Variants in INTU observed in about 807,000 individuals in gnomAD.
INTU encodes the protein protein inturned.
A neutral mutation model predicts 100.5 loss-of-function variants in INTU; 68 were observed. That is an observed-to-expected ratio of 0.68 (90% CI 0.56 to 0.83). The LOEUF is 0.83. Among genes scored for constraint, INTU ranks in the 40% least tolerant of loss-of-function variants. The pLI is 0.00. For synonymous variants in INTU, 357 were observed against 395.7 expected (o/e 0.90, Z 1.16); for missense variants, 1,071 against 1,114.7 (o/e 0.96, Z 0.56).
chr4:127,683,031 CAG>C (rs1196763545), intron 6 of INTU, among the ~76,000 whole-genome samples: 1 of 152,152 alleles, frequency 6.6e-6, no homozygotes, highest in African/African-American at 2.4e-5. Flanking sequence ...ATCAGCTAGG[CAG>C]AGACAGTTTC....
chr4:127,711,094 G>A lies in INTU; in HGVS notation c.2551G>A (p.Val851Met). 6.3e-7 allele frequency: 1 copy of A among 1,585,312 alleles called. No individual in the cohort carries two copies. Among genetic ancestry groups the A allele is most frequent in the Non-Finnish European group, 8.6e-7 (1 of 1,158,946 alleles). ...TCGTGCAGTTTTCCAACAGACATTG[G>A]TGGAAGAGGTAGGGCACTGCTATAA... is the stretch of plus-strand genomic sequence containing the variant. ...SIRAVFQQTL[V>M]EEKKKGLNSG... Residue 851 changes from valine (V) to methionine (M), a missense_variant, in exon 14 of 16, where the codon GTG (valine) becomes ATG (methionine). Coordinates refer to ENST00000335251, the MANE Select transcript of INTU (RefSeq NM_015693.4).
chr4:127,654,319 A>G (rs377118159), intron 2 of INTU, among the ~76,000 whole-genome samples: 16 of 152,178 alleles, frequency 1.1e-4, no homozygotes, highest in African/African-American at 2.9e-4. Context: ...TCGTAGTCTC[A>G]ATGGTCTTTA....
At chr4:127,652,751 G>A (rs1727955258) in intron 2 of INTU, among the ~76,000 whole-genome samples, 1 of 135,018 alleles carries the variant, frequency 7.4e-6, no homozygotes. Flanking sequence ...GAGTTAGGAA[G>A]GATTCCCTCT....
At chr4:127,652,331 A>G (rs1435359179) in intron 2 of INTU, among the ~76,000 whole-genome samples, 20 of 150,874 alleles carry the variant, frequency 1.3e-4, no homozygotes, top group Admixed American at 1.3e-3. Flanking sequence ...GTTTTTGCCC[A>G]TTCAGTATGA....
chr4:127,668,611 T>G lies in INTU; in HGVS notation c.973-425T>G, dbSNP rs558993674. ...AAAAATAATGTAAAAGTAATTAAAT[T>G]TAAAGACTCTTAATAGTTACTTGTG... On this transcript the variant is annotated intron_variant, in intron 4 of 15. Transcript: ENST00000335251. 7.2e-5 allele frequency among the ~76,000 whole-genome samples: 11 copies of G among 151,924 alleles called. No homozygotes were observed. In the East Asian group the frequency reaches 2.1e-3, roughly 29 times the overall value.
intron 7 of INTU, 179 bp from the exon 8 acceptor site, chr4:127,687,499 A>G (rs1341936518): frequency 2.4e-5 from 11 of 455,214 alleles, no homozygotes; most frequent in Non-Finnish European, 3.9e-5. Flanking sequence ...AAAAGTTTGG[A>G]CAGGGTAAAT....
At chr4:127,650,165 T>C (rs1485881212) in intron 2 of INTU, among the ~76,000 whole-genome samples, 2 of 152,196 alleles carry the variant, frequency 1.3e-5, no homozygotes, top group Non-Finnish European at 2.9e-5. Context: ...TGTTATGATA[T>C]GCCACATGGA....
intron 14 of INTU, among the ~76,000 whole-genome samples, chr4:127,712,384 A>T (rs1269308309): frequency 6.6e-6 from 1 of 152,070 alleles, no homozygotes; most frequent in Non-Finnish European, 1.5e-5. Flanking sequence ...ACATTAACTG[A>T]TAAATGTTAT....
In INTU at chr4:127,706,885, C is replaced by T; in HGVS notation, c.2187C>T (p.Ser729=). The change falls in exon 12 of 16, where the codon AGC becomes AGT. Residue 729 remains serine (S), a synonymous_variant. Transcript: ENST00000335251. ...AAGGTGGAGAAGATGATGGCTTTAG[C>T]CCCCATACTACACCGGATGCAGTAC... ...GCEGGEDDGF[S]PHTTPDAVRK... 6.2e-7 allele frequency: 1 copy of T among 1,613,988 alleles called. No homozygotes were observed. The highest frequency in any genetic ancestry group is 8.5e-7 in the Non-Finnish European group (1 of 1,179,938).
rs74366278 is a variant in INTU at position 127,710,146 on chromosome 4, A to G, written c.2370-767A>G. 9.3e-4 allele frequency among the ~76,000 whole-genome samples: 142 copies of G among 152,236 alleles called. 1 individual carries two copies. The highest frequency in any genetic ancestry group is 6.8e-3 in the Middle Eastern group (2 of 294). On this transcript the variant is annotated intron_variant, in intron 13 of 15. Coordinates refer to ENST00000335251, the MANE Select transcript of INTU (RefSeq NM_015693.4). The stretch of plus-strand genomic sequence containing the variant: ...AAAGGAGACTCTTTTTTCAAGTTCA[A>G]TGGTTTAAACATAAATTCACATGTG...
chr4:127,697,309 TTTC>T (rs1253932078), intron 8 of INTU, among the ~76,000 whole-genome samples: 3 of 152,138 alleles, frequency 2.0e-5, no homozygotes, highest in Non-Finnish European at 4.4e-5. Context: ...CCTCTCCCAA[TTTC>T]TTCTTCTCCC....
intron 1 of INTU, among the ~76,000 whole-genome samples, chr4:127,642,847 GC>G (rs1335755700): frequency 1.3e-5 from 2 of 149,688 alleles, no homozygotes; most frequent in African/African-American, 2.5e-5. Flanking sequence ...TGTAATATGT[GC>G]TTTTTTTTTT....
chr4:127,674,400 G>T lies in INTU; in HGVS notation c.1181+187G>T, dbSNP rs1366473769. Among the ~76,000 whole-genome samples the T allele has an allele frequency of 2.0e-5, 3 of 152,212 alleles. No individual in the cohort carries two copies. In the South Asian group the frequency reaches 6.2e-4, roughly 32 times the overall value. On this transcript the variant is annotated intron_variant, in intron 6 of 15. Coordinates refer to ENST00000335251, the MANE Select transcript of INTU (RefSeq NM_015693.4). ...GAATAATGCAGAAAGGTGCCATGAAGCCTCAGCTGGGCCAGTTAGTAAGGG... is the reference window on the plus strand; with the variant it reads ...GAATAATGCAGAAAGGTGCCATGAATCCTCAGCTGGGCCAGTTAGTAAGGG...
intron 6 of INTU, chr4:127,675,824 A>G: frequency 4.9e-6 from 1 of 203,604 alleles, no homozygotes; most frequent in Non-Finnish European, 1.1e-5. Context: ...GGGATGCTAC[A>G]AGACCTTTTA....
chr4:127,667,523 G>A (rs1056669897), intron 4 of INTU, among the ~76,000 whole-genome samples: 4 of 152,020 alleles, frequency 2.6e-5, no homozygotes, highest in East Asian at 1.9e-4. Flanking sequence ...TAAAAGCTTA[G>A]CTTCTTCAAG....
chr4:127,633,553 T>C (rs567230388), intron 1 of INTU, among the ~76,000 whole-genome samples: 2 of 152,274 alleles, frequency 1.3e-5, no homozygotes, highest in South Asian at 4.2e-4. Context: ...TGTGGCTTAA[T>C]CTCTTTAGTA....
chr4:127,675,272 G>A (rs1286808413), intron 6 of INTU, among the ~76,000 whole-genome samples: 2 of 152,108 alleles, frequency 1.3e-5, no homozygotes, highest in Admixed American at 1.3e-4. Flanking sequence ...AATATGTGAT[G>A]GATACAACTT....
chr4:127,662,639 A>C (rs933686595), intron 3 of INTU, among the ~76,000 whole-genome samples: 4 of 152,146 alleles, frequency 2.6e-5, no homozygotes, highest in African/African-American at 9.7e-5. Context: ...CTCTTACACC[A>C]GGGGTCCCCA....
At chr4:127,705,174 A>G (rs1383151152) in intron 10 of INTU, among the ~76,000 whole-genome samples, 1 of 152,192 alleles carries the variant, frequency 6.6e-6, no homozygotes, top group Non-Finnish European at 1.5e-5. Context: ...GCATCAAATG[A>G]ATTTAAGTAC....
Sources: gnomAD v4.1 joint callset for allele counts (sites outside exome capture counted in the v4.1 genomes callset) on GRCh38, gnomAD v4.1.1 for gene constraint, MANE v1.5 for transcripts, NCBI Gene and HGNC (gene_info 2026-07-23, HGNC 2026-07-21) for gene names.